POMT2: variants seen among roughly 807,000 people sequenced by gnomAD.
The protein encoded by POMT2 is protein O-mannosyl-transferase 2.
Under a neutral mutation model 100.0 loss-of-function variants are expected in POMT2, and 75 were observed. The observed-to-expected ratio is 0.75, with a 90% CI of 0.62 to 0.91. The LOEUF (loss-of-function observed/expected upper bound fraction) is 0.91, where lower values mean the gene tolerates loss of function less well. POMT2 is among the 40% of genes least tolerant of loss of function. The pLI is 0.00. For missense variants in POMT2, 940 were observed against 955.1 expected (o/e 0.98, Z 0.21); for synonymous variants, 378 against 374.1 (o/e 1.01, Z -0.12).
At chr14:77,294,836 G>C (rs1305005347) in intron 9 of POMT2, among the ~76,000 whole-genome samples, 1 of 152,162 alleles carries the variant, frequency 6.6e-6, no homozygotes, top group East Asian at 1.9e-4. Context: ...TACATACTGA[G>C]TCACTTTCTA....
chr14:77,296,137 G>A (rs750325562), intron 9 of POMT2, 27 bp downstream of exon 9: 52 of 1,526,770 alleles, frequency 3.4e-5, no homozygotes, highest in Admixed American at 7.5e-5. Flanking sequence ...CATTGCTGCC[G>A]TACAAGTGCA....
intron 4 of POMT2, among the ~76,000 whole-genome samples, chr14:77,304,041 A>T (rs1476281075): frequency 6.6e-6 from 1 of 152,254 alleles, no homozygotes; most frequent in Non-Finnish European, 1.5e-5. Context: ...TCTATAGAGA[A>T]AGCCAATAAT....
intron 1 of POMT2, among the ~76,000 whole-genome samples, chr14:77,315,783 G>A (rs189427223): frequency 1.7e-4 from 26 of 152,334 alleles, no homozygotes; most frequent in African/African-American, 3.6e-4. Flanking sequence ...AGGCCGAGGC[G>A]GGCGGATCAC....
At chr14:77,317,697 A>G (rs1891682255) in intron 1 of POMT2, among the ~76,000 whole-genome samples, 1 of 152,244 alleles carries the variant, frequency 6.6e-6, no homozygotes, top group South Asian at 2.1e-4. Context: ...GGTAATGATC[A>G]GGAAAAAGGG....
chr14:77,283,794 T>C lies in POMT2; in HGVS notation c.1653+3A>G. ...CGCCATGAAATGAGAAGGGGACACA[T>C]ACCCGGATCATGACCATGTGGGATT... On this transcript the variant is annotated splice_donor_region_variant and intron_variant, in intron 15 of 20. Coordinates refer to ENST00000261534, the MANE Select transcript of POMT2 (RefSeq NM_013382.7). 1.2e-6 allele frequency: 2 copies of C among 1,601,306 alleles called. No homozygotes were observed. The highest frequency in any genetic ancestry group is 1.1e-5 in the South Asian group (1 of 90,780).
chr14:77,302,404 A>T (rs899468121), intron 5 of POMT2, among the ~76,000 whole-genome samples: 1 of 152,180 alleles, frequency 6.6e-6, no homozygotes, highest in Non-Finnish European at 1.5e-5. Flanking sequence ...GTTTCCAGGC[A>T]GCATCTACCC....
chr14:77,278,700 T>C lies in POMT2; in HGVS notation c.2032+29A>G, dbSNP rs1054513374. The C allele has an allele frequency of 4.3e-6, 7 of 1,613,378 alleles. No individual in the cohort carries two copies. In the Admixed American group the frequency reaches 5.0e-5, roughly 12 times the overall value. ...AGTGGCCCGCCCTCCACCTGCTCTG[T>C]CTCCCAAGTCCAGGTGGGTGGCACT... is the stretch of plus-strand genomic sequence containing the variant. On this transcript the variant is annotated intron_variant, in intron 19 of 20. Transcript: ENST00000261534.
chr14:77,320,032 G>A (rs7160195), intron 1 of POMT2, among the ~76,000 whole-genome samples: 49,721 of 152,014 alleles, frequency 0.33, 8,306 homozygotes, highest in East Asian at 0.44. Context: ...AAGGTACACA[G>A]TTAGGTATTT....
chr14:77,320,233 C>T (rs1370406317), intron 1 of POMT2: 1 of 824,270 alleles, frequency 1.2e-6, no homozygotes. Context: ...CTAAGAATCC[C>T]ACTGCCCCAC....
chr14:77,286,268 C>T (rs1051420042), intron 12 of POMT2, among the ~76,000 whole-genome samples: 3 of 152,182 alleles, frequency 2.0e-5, no homozygotes, highest in Non-Finnish European at 4.4e-5. Flanking sequence ...ACTCATAGAG[C>T]TTTTATTTAT....
At chr14:77,281,626 G>T (rs901825499) in intron 15 of POMT2, among the ~76,000 whole-genome samples, 3 of 152,180 alleles carry the variant, frequency 2.0e-5, no homozygotes, top group African/African-American at 7.2e-5. Flanking sequence ...TTCCCCAGAA[G>T]GGGAGTCAGC....
At chr14:77,286,667 G>A in intron 12 of POMT2, 77 bp downstream of exon 12, 4 of 1,587,360 alleles carry the variant, frequency 2.5e-6, no homozygotes, top group Non-Finnish European at 3.5e-6. Flanking sequence ...ATTCTGGGGA[G>A]GAGATATCCC....
Position 77,320,827 on chromosome 14 carries a change from G to A in POMT2, c.-146C>T. The A allele has an allele frequency of 7.3e-7, 1 of 1,363,362 alleles. No individual in the cohort carries two copies. Among genetic ancestry groups the A allele is most frequent in the Non-Finnish European group, 9.4e-7 (1 of 1,061,738 alleles). The allele number at this position is 1,363,362 out of a possible 1,614,324, so 84.5% of individuals were successfully genotyped here. ...CAGCGGAGCGCGGGGCCCCGGGCTC[G>A]GGGCGGGGCGGGCAGCGTGGTCGCG... On this transcript the variant is annotated 5_prime_UTR_variant, in exon 1 of 21. Coordinates refer to ENST00000261534, the MANE Select transcript of POMT2 (RefSeq NM_013382.7).
intron 9 of POMT2, among the ~76,000 whole-genome samples, chr14:77,295,665 A>C (rs917681789): frequency 6.6e-6 from 1 of 151,740 alleles, no homozygotes; most frequent in African/African-American, 2.4e-5. Flanking sequence ...GAGGATACTG[A>C]AGCACAAGAA....
rs141193672 is a variant in POMT2, at chr14:77,278,826, G to C, written c.1935C>G (p.Leu645=). 1 of 1,613,356 alleles carries C rather than the reference G, an allele frequency of 6.2e-7. No homozygotes were observed. Among genetic ancestry groups the C allele is most frequent in the Non-Finnish European group, 8.5e-7 (1 of 1,179,656 alleles). ...ACGGGAAGTAATGGAGTGTCCAGCC[G>C]AGCAGGACCTGGCCGCCTCCTCGAA... is the stretch of plus-strand genomic sequence containing the variant. ...VLLRGGGQVL[L]GWTLHYFPFF... is the part of the protein sequence containing the mutation. The change falls in exon 19 of 21, where the codon CTC becomes CTG. Residue 645 remains leucine (L), a synonymous_variant. Transcript: ENST00000261534.
At position 77,277,189 on chromosome 14, in the gene POMT2, G is replaced by A. The variant is rs1026741333; in HGVS notation, c.*187C>T. The stretch of plus-strand genomic sequence containing the variant: ...TCCGTGGTGCTGTGGACGGAGCTGC[G>A]GCTCTCTCCCGGCTCTCTCCAATGC... On this transcript the variant is annotated 3_prime_UTR_variant, in exon 21 of 21. Transcript: ENST00000261534. 21 of 625,052 alleles carry A rather than the reference G, an allele frequency of 3.4e-5. No homozygotes were observed. Among genetic ancestry groups the A allele is most frequent in the Non-Finnish European group, 5.8e-5 (20 of 345,092 alleles). 38.7% of individuals were successfully genotyped at this position (625,052 alleles called of 1,614,324 possible).
intron 12 of POMT2, among the ~76,000 whole-genome samples, chr14:77,285,985 G>A (rs1461035972): frequency 6.6e-6 from 1 of 152,152 alleles, no homozygotes; most frequent in Non-Finnish European, 1.5e-5. Context: ...ACAGATCTGG[G>A]CCATTTGCAT....
In POMT2 at chr14:77,281,673, C is replaced by T. The variant is rs61990294; in HGVS notation, c.1654-1210G>A. Reference sequence around the variant, plus strand: ...AGGCCGGAGCTTCTCCACCTCAGCACTCCCAACATTTCGGGCTGGATGAGT... The same window carrying T: ...AGGCCGGAGCTTCTCCACCTCAGCATTCCCAACATTTCGGGCTGGATGAGT... On this transcript the variant is annotated intron_variant, in intron 15 of 20. Transcript: ENST00000261534. Among the ~76,000 whole-genome samples, 1,191 of 152,330 alleles carry T rather than the reference C, an allele frequency of 7.8e-3. 8 individuals carry two copies. Among genetic ancestry groups the T allele is most frequent in the Non-Finnish European group, 0.013 (869 of 68,030 alleles).
chr14:77,309,721 C>T (rs949176917), intron 2 of POMT2, among the ~76,000 whole-genome samples: 1 of 152,072 alleles, frequency 6.6e-6, no homozygotes, highest in African/African-American at 2.4e-5. Context: ...CTTGCTCAGT[C>T]GCCCAGGCTG....
Sources: gnomAD v4.1 joint callset for allele counts (sites outside exome capture counted in the v4.1 genomes callset) on GRCh38, gnomAD v4.1.1 for gene constraint, MANE v1.5 for transcripts, NCBI Gene and HGNC (gene_info 2026-07-23, HGNC 2026-07-21) for gene names.